Variants in GRM1 observed in about 807,000 individuals in gnomAD.
GRM1 encodes the protein glutamate metabotropic receptor 1, also known as metabotropic glutamate receptor 1.
Under a neutral mutation model 90.9 loss-of-function variants are expected in GRM1, and 33 were observed. The ratio of observed to expected loss-of-function variants is 0.36; its 90% CI spans 0.28 to 0.49. The LOEUF (loss-of-function observed/expected upper bound fraction) is 0.49, where lower values mean the gene tolerates loss of function less well. GRM1 is among the 20% of genes least tolerant of loss of function. The probability of loss-of-function intolerance (pLI) is 0.99; values close to 1 mark genes in which losing one functional copy is unlikely to be tolerated. For missense variants in GRM1, 1,190 were observed against 1,534.3 expected, an observed-to-expected ratio of 0.78 and a Z score of 3.75; for synonymous variants, 700 against 613.2, an observed-to-expected ratio of 1.14 and a Z score of -2.09.
chr6:146,352,121 G>A (rs1212199640), intron 3 of GRM1, 129 bp from the exon 4 acceptor site: 3 of 847,952 alleles, frequency 3.5e-6, no homozygotes, highest in Non-Finnish European at 6.0e-6. Flanking sequence ...GCACAGGTGG[G>A]CGTGGCTTCT....
chr6:146,029,933 G>T lies in GRM1; in HGVS notation c.416G>T (p.Arg139Leu), dbSNP rs140910734. 2 of 1,614,018 alleles carry T rather than the reference G, an allele frequency of 1.2e-6. No individual in the cohort carries two copies. Among genetic ancestry groups the T allele is most frequent in the Non-Finnish European group, 1.7e-6 (2 of 1,180,028 alleles). ...SIRDEKDGIN[R>L]CLPDGQSLPP... Reference sequence around the variant, plus strand: ...CGAGATGAGAAGGATGGGATCAACCGGTGTCTGCCTGACGGCCAGTCCCTC... The same window carrying T: ...CGAGATGAGAAGGATGGGATCAACCTGTGTCTGCCTGACGGCCAGTCCCTC... Residue 139 changes from arginine (R) to leucine (L), a missense_variant, in exon 1 of 8, where the codon CGG becomes CTG. Physicochemically the swap from Arg to Leu is moderately radical, Grantham distance 102. Around this residue, in one of 10 missense-constraint regions of GRM1, gnomAD observed 91 missense variants for 95.6 expected, o/e 0.95. Transcript: ENST00000282753.
At chr6:146,268,210 A>G (rs562356054) in intron 2 of GRM1, among the ~76,000 whole-genome samples, 232 of 152,322 alleles carry the variant, frequency 1.5e-3, no homozygotes, top group African/African-American at 5.4e-3. Context: ...AGTAATTGAC[A>G]CACATTTTTT....
intron 3 of GRM1, among the ~76,000 whole-genome samples, chr6:146,334,748 G>A (rs1041442419): frequency 6.6e-6 from 1 of 152,148 alleles, no homozygotes; most frequent in Non-Finnish European, 1.5e-5. Context: ...GTGGCTAGGT[G>A]GGGAGGAAAG....
At chr6:146,054,032 A>G (rs1775393818) in intron 1 of GRM1, among the ~76,000 whole-genome samples, 1 of 152,128 alleles carries the variant, frequency 6.6e-6, no homozygotes, top group African/African-American at 2.4e-5. Context: ...ATTGACTATG[A>G]GAGATAAAAA....
At chr6:146,302,866 G>T (rs1221481610) in intron 2 of GRM1, among the ~76,000 whole-genome samples, 1 of 151,908 alleles carries the variant, frequency 6.6e-6, no homozygotes, top group Non-Finnish European at 1.5e-5. Context: ...AAGAAAGAAG[G>T]AAGAAGGAAA....
intron 1 of GRM1, among the ~76,000 whole-genome samples, chr6:146,136,343 G>C (rs1485861612): frequency 6.6e-6 from 1 of 152,070 alleles, no homozygotes; most frequent in Non-Finnish European, 1.5e-5. Context: ...TTAGTTTTTT[G>C]AGGAGCCTCC....
At chr6:146,415,701 T>C (rs945533624) in intron 7 of GRM1, among the ~76,000 whole-genome samples, 1 of 152,232 alleles carries the variant, frequency 6.6e-6, no homozygotes, top group African/African-American at 2.4e-5. Context: ...AATATCATTT[T>C]CATTATTCAA....
chr6:146,198,904 T>A (rs1038412813), intron 2 of GRM1, among the ~76,000 whole-genome samples: 9 of 152,188 alleles, frequency 5.9e-5, no homozygotes, highest in Non-Finnish European at 1.3e-4. Flanking sequence ...GGATAGTGAC[T>A]TTCTATTGAG....
At chr6:146,068,117 T>TTTC (rs1193773871) in intron 1 of GRM1, among the ~76,000 whole-genome samples, 1 of 151,644 alleles carries the variant, frequency 6.6e-6, no homozygotes, top group Admixed American at 6.6e-5. Context: ...TCAAATAATT[T>TTTC]TTTTTTTTTT....
chr6:146,231,479 A>G (rs1380421412), intron 2 of GRM1, among the ~76,000 whole-genome samples: 3 of 152,146 alleles, frequency 2.0e-5, no homozygotes, highest in East Asian at 3.9e-4. Flanking sequence ...AGGGGAACAG[A>G]TAATTTCAAC....
chr6:146,300,360 A>G (rs1410845784), intron 2 of GRM1, among the ~76,000 whole-genome samples: 1 of 152,202 alleles, frequency 6.6e-6, no homozygotes, highest in African/African-American at 2.4e-5. Context: ...AGCCCCTGTC[A>G]AATTGTAATT....
Position 146,399,304 on chromosome 6 carries a change from C to A in GRM1, c.2265C>A (p.Ala755=), listed in dbSNP as rs150675631. 34 of 1,614,102 alleles carry A rather than the reference C, an allele frequency of 2.1e-5. No homozygotes were observed. In the African/African-American group the frequency reaches 4.3e-4, roughly 20 times the overall value. Residue 755 remains alanine, a synonymous_variant, in exon 7 of 8, where the codon GCC becomes GCA. Transcript: ENST00000282753. The surrounding 1 kb of genome is among the most constrained non-coding windows in gnomAD (Gnocchi z 5.4). ...ATACCAGCAACCTGGGTGTGGTGGCCCCTTTGGGCTACAATGGACTCCTCA... is the reference window on the plus strand; with the variant it reads ...ATACCAGCAACCTGGGTGTGGTGGCACCTTTGGGCTACAATGGACTCCTCA... ...ICNTSNLGVV[A]PLGYNGLLIM...
At chr6:146,321,272 T>C (rs1784180286) in intron 3 of GRM1, among the ~76,000 whole-genome samples, 1 of 152,190 alleles carries the variant, frequency 6.6e-6, no homozygotes, top group Admixed American at 6.5e-5. Flanking sequence ...TTCCATGTAG[T>C]TGTGCGGTTT....
intron 2 of GRM1, among the ~76,000 whole-genome samples, chr6:146,220,156 T>C (rs1364635139): frequency 3.9e-5 from 6 of 152,136 alleles, no homozygotes; most frequent in Non-Finnish European, 5.9e-5. Flanking sequence ...TTAAATAATA[T>C]CATCTGTAGG....
rs1776183739 is a variant in GRM1, at chr6:146,076,258, T to C, written c.700+46041T>C. The stretch of plus-strand genomic sequence containing the variant: ...GCCTGGTGAGGGACTTGTAGGCCAC[T>C]AGTGATCTTGGCTTTTTAATGCAAA... On this transcript the variant is annotated intron_variant, in intron 1 of 7. Coordinates refer to ENST00000282753, the MANE Select transcript of GRM1 (RefSeq NM_001278064.2). Among the ~76,000 whole-genome samples the C allele has an allele frequency of 2.0e-5, 3 of 152,174 alleles. No individual in the cohort carries two copies. In the South Asian group the frequency reaches 6.2e-4, roughly 31 times the overall value.
intron 1 of GRM1, among the ~76,000 whole-genome samples, chr6:146,078,203 T>C (rs1358334332): frequency 6.6e-6 from 1 of 152,218 alleles, no homozygotes; most frequent in East Asian, 1.9e-4. Flanking sequence ...TAACATCACA[T>C]TGACAGCATC....
chr6:146,213,253 A>T (rs530578865), intron 2 of GRM1, among the ~76,000 whole-genome samples: 1 of 152,272 alleles, frequency 6.6e-6, no homozygotes, highest in East Asian at 1.9e-4. Flanking sequence ...TATCAGGTTG[A>T]AGCATAGAAT....
At chr6:146,238,374 G>T (rs1023633358) in intron 2 of GRM1, among the ~76,000 whole-genome samples, 1 of 152,034 alleles carries the variant, frequency 6.6e-6, no homozygotes, top group Non-Finnish European at 1.5e-5. Context: ...TCTCCAAAAG[G>T]TTCCAATGCT....
intron 7 of GRM1, among the ~76,000 whole-genome samples, chr6:146,405,611 T>G (rs2114607061): frequency 6.6e-6 from 1 of 152,350 alleles, no homozygotes; most frequent in East Asian, 1.9e-4. Flanking sequence ...AGCCACCATC[T>G]TGCTGTGTGC....
Sources: gnomAD v4.1 joint callset for allele counts (sites outside exome capture counted in the v4.1 genomes callset) on GRCh38, gnomAD v4.1.1 for gene constraint, gnomAD v4.1.1 regional missense constraint, Gnocchi (gnomAD v3.1) non-coding constraint, MANE v1.5 for transcripts, NCBI Gene and HGNC (gene_info 2026-07-23, HGNC 2026-07-21) for gene names.